Variants in SAXO2 observed in about 807,000 individuals in gnomAD.
SAXO2 encodes stabilizer of axonemal microtubules 2.
SAXO2 carries 17 observed loss-of-function variants against 18.7 expected under a neutral mutation model. That is an observed-to-expected ratio of 0.91 (90% CI 0.62 to 1.36). SAXO2 has a LOEUF of 1.36. SAXO2 is among the 40% of genes most tolerant of loss of function. SAXO2 has a pLI of 0.00. For missense variants in SAXO2, 486 were observed against 562.6 expected, an observed-to-expected ratio of 0.86 and a Z score of 1.38; for synonymous variants, 163 against 181.2, an observed-to-expected ratio of 0.90 and a Z score of 0.81.
At chr15:82,272,551 G>GT (rs967956011) in intron 3 of SAXO2, among the ~76,000 whole-genome samples, 120 of 151,892 alleles carry the variant, frequency 7.9e-4, no homozygotes, top group African/African-American at 2.7e-3. Flanking sequence ...TTGTTTTTGG[G>GT]TTTTTTTTGT....
chr15:82,270,103 C>G (rs2075257050), intron 2 of SAXO2, among the ~76,000 whole-genome samples: 2 of 152,158 alleles, frequency 1.3e-5, no homozygotes, highest in African/African-American at 4.8e-5. Context: ...ATGAAGCTCA[C>G]AGAAGAGGTC....
At position 82,283,167 on chromosome 15, in the gene SAXO2, TATATTTTTAAACAAG is replaced by T; in HGVS notation, c.*107_*121del. ...ATTTATGATATAATAAATCATTTTT[TATATTTTTAAACAAG>T]AAAATTGGAAAATATATTATAAGAA... On this transcript the variant is annotated 3_prime_UTR_variant, in exon 4 of 4. Coordinates refer to ENST00000682753, the MANE Select transcript of SAXO2 (RefSeq NM_001348699.2). 1.3e-6 allele frequency: 1 copy of T among 749,090 alleles called. No homozygotes were observed. The highest frequency in any genetic ancestry group is 1.9e-6 in the Non-Finnish European group (1 of 530,326). 46.4% of individuals were successfully genotyped at this position (749,090 alleles called of 1,614,324 possible).
Position 82,282,403 on chromosome 15 carries a change from G to T in SAXO2, c.718G>T (p.Asp240Tyr). 1 of 1,614,126 alleles carries T rather than the reference G, an allele frequency of 6.2e-7. No individual in the cohort carries two copies. The highest frequency in any genetic ancestry group is 2.2e-5 in the East Asian group (1 of 44,866). Residue 240 changes from aspartate (D) to tyrosine (Y), a missense_variant, in exon 4 of 4, where the codon GAT becomes TAT. Physicochemically the swap from Asp to Tyr is radical, Grantham distance 160. Transcript: ENST00000682753. The part of the protein sequence containing the change: ...VYKPTDQRFE[D>Y]LTTHRCDFQG... ...CAAACCAACTGACCAACGCTTTGAG[G>T]ATCTCACAACTCACCGGTGTGACTT... is the stretch of plus-strand genomic sequence containing the variant.
At chr15:82,264,818 C>T in intron 1 of SAXO2, 1 of 689,926 alleles carries the variant, frequency 1.4e-6, no homozygotes, top group Non-Finnish European at 2.6e-6. Context: ...CGCCTAACAA[C>T]TTCTAGCTCC....
chr15:82,262,935 A>G lies in SAXO2; in HGVS notation c.53+3A>G. On this transcript the variant is annotated splice_donor_region_variant and intron_variant, in intron 1 of 3. Coordinates refer to ENST00000682753, the MANE Select transcript of SAXO2 (RefSeq NM_001348699.2). ...CTGTGTCAGATTTGTAGCTGCGGGT[A>G]AGAAACGGCTGGTGTAGCGGCGGGC... 6.2e-7 allele frequency: 1 copy of G among 1,604,300 alleles called. No homozygotes were observed. The highest frequency in any genetic ancestry group is 1.3e-5 in the African/African-American group (1 of 74,858).
chr15:82,263,938 A>G (rs1222953569), intron 1 of SAXO2, among the ~76,000 whole-genome samples: 1 of 152,146 alleles, frequency 6.6e-6, no homozygotes, highest in Non-Finnish European at 1.5e-5. Context: ...ATTTTTTGAC[A>G]ATGCAATAAA....
rs2075274471 is a variant in SAXO2 at position 82,271,769 on chromosome 15, A to G, written c.400A>G (p.Lys134Glu). 6.2e-7 allele frequency: 1 copy of G among 1,614,100 alleles called. No homozygotes were observed. The highest frequency in any genetic ancestry group is 8.5e-7 in the Non-Finnish European group (1 of 1,179,964). ...CCGGCCTTTGGAGAGACAAGTTAAAAAAGGAAAATTGGACACTGTCCCAAC... is the reference window on the plus strand; with the variant it reads ...CCGGCCTTTGGAGAGACAAGTTAAAGAAGGAAAATTGGACACTGTCCCAAC... ...IVRPLERQVK[K>E]GKLDTVPTYK... The change falls in exon 3 of 4, where the codon AAA (lysine) becomes GAA (glutamate). Residue 134 changes from lysine to glutamate, a missense_variant. Lys to Glu is a moderately conservative substitution (Grantham distance 56). Transcript: ENST00000682753.
At chr15:82,262,985 C>T in intron 1 of SAXO2, 53 bp downstream of exon 1, 2 of 1,568,088 alleles carry the variant, frequency 1.3e-6, no homozygotes, top group Non-Finnish European at 8.6e-7. Flanking sequence ...CGACCTAGGG[C>T]CTAGGTGCAC....
At chr15:82,264,221 G>T (rs1413987041) in intron 1 of SAXO2, among the ~76,000 whole-genome samples, 1 of 151,790 alleles carries the variant, frequency 6.6e-6, no homozygotes, top group East Asian at 1.9e-4. Context: ...ACAGGCTCGT[G>T]CGACCACACC....
intron 3 of SAXO2, 105 bp from the exon 4 acceptor site, chr15:82,282,014 G>A: frequency 1.1e-6 from 1 of 886,354 alleles, no homozygotes; most frequent in Non-Finnish European, 1.7e-6. Context: ...ATTTCTAAAG[G>A]AAATGGAAAG....
Position 82,283,141 on chromosome 15 carries a change from A to C in SAXO2, c.*79A>C. The C allele has an allele frequency of 3.3e-6, 3 of 908,456 alleles. No homozygotes were observed. The highest frequency in any genetic ancestry group is 2.5e-4 in the Middle Eastern group (1 of 4,008). 56.3% of individuals were successfully genotyped at this position (908,456 alleles called of 1,614,324 possible). ...GAAAACTCAATTTTTATAGTTAAAA[A>C]ATTTATGATATAATAAATCATTTTT... is the stretch of plus-strand genomic sequence containing the variant. On this transcript the variant is annotated 3_prime_UTR_variant, in exon 4 of 4. Transcript: ENST00000682753.
intron 2 of SAXO2, among the ~76,000 whole-genome samples, chr15:82,267,430 G>T (rs1431609351): frequency 1.3e-5 from 2 of 152,156 alleles, no homozygotes; most frequent in East Asian, 3.8e-4. Flanking sequence ...AATAGAATGG[G>T]AGACAGCTTT....
chr15:82,282,041 G>T, intron 3 of SAXO2, 78 bp from the exon 4 acceptor site: 3 of 1,137,442 alleles, frequency 2.6e-6, no homozygotes, highest in Non-Finnish European at 1.3e-6. Flanking sequence ...GGCAATGAGA[G>T]AAGTCAGTTA....
At chr15:82,274,381 GT>G (rs1295121266) in intron 3 of SAXO2, among the ~76,000 whole-genome samples, 1 of 151,956 alleles carries the variant, frequency 6.6e-6, no homozygotes, top group Non-Finnish European at 1.5e-5. Flanking sequence ...TGTGCTGCAG[GT>G]TTTGTAGATA....
At position 82,283,010 on chromosome 15, in the gene SAXO2, C is replaced by T. The variant is rs2075381530; in HGVS notation, c.1325C>T (p.Ser442Phe). ...PPGYIFDNTN[S>F]QGHKFFRKII... ...GGTTATATTTTCGACAATACAAATTCCCAAGGTCATAAATTCTTCCGCAAG... is the reference window on the plus strand; with the variant it reads ...GGTTATATTTTCGACAATACAAATTTCCAAGGTCATAAATTCTTCCGCAAG... Residue 442 changes from serine (S) to phenylalanine (F), a missense_variant, in exon 4 of 4, where the codon TCC (serine) becomes TTC (phenylalanine). Transcript: ENST00000682753. 6.2e-7 allele frequency: 1 copy of T among 1,613,770 alleles called. No individual in the cohort carries two copies. Among genetic ancestry groups the T allele is most frequent in the Non-Finnish European group, 8.5e-7 (1 of 1,179,926 alleles).
At chr15:82,265,242 G>A (rs952273591) in intron 1 of SAXO2, among the ~76,000 whole-genome samples, 48 of 152,126 alleles carry the variant, frequency 3.2e-4, no homozygotes, top group African/African-American at 1.1e-3. Flanking sequence ...CCAGGTTCAC[G>A]CCATTTCCCT....
chr15:82,272,073 A>G (rs1242753234), intron 3 of SAXO2: 3 of 376,912 alleles, frequency 8.0e-6, no homozygotes, highest in Non-Finnish European at 1.4e-5. Flanking sequence ...AAAGGATGCC[A>G]TTAAAGAAGC....
In SAXO2 at chr15:82,282,651, T is replaced by C. The variant is rs2075375518; in HGVS notation, c.966T>C (p.His322=). Residue 322 remains histidine (H), a synonymous_variant, in exon 4 of 4, where the codon CAT becomes CAC. Coordinates refer to ENST00000682753, the MANE Select transcript of SAXO2 (RefSeq NM_001348699.2). ...ACTATGTTCCATATCAGGCCAACCA[T>C]GTTGTTCCCATCAGGCCAGTTTCTC... ...HLDYVPYQAN[H]VVPIRPVSQK... is the part of the protein sequence containing the mutation. 2.5e-6 allele frequency: 4 copies of C among 1,614,038 alleles called. No individual in the cohort carries two copies. Among genetic ancestry groups the C allele is most frequent in the African/African-American group, 1.3e-5 (1 of 74,926 alleles).
In SAXO2 at chr15:82,284,032, C is replaced by G. The variant is rs2075390332; in HGVS notation, c.*970C>G. 6.6e-6 allele frequency: 1 copy of G among 152,216 alleles called. No homozygotes were observed. Among genetic ancestry groups the G allele is most frequent in the Admixed American group, 6.5e-5 (1 of 15,280 alleles). 9.4% of individuals were successfully genotyped at this position (152,216 alleles called of 1,614,324 possible). A position where few individuals can be genotyped will look rare whatever the true frequency, so the allele number is the denominator to read the frequency against. ...CTACCTTAGGCAGTGACTCATATCTCTGAGCCTCAGTGTCTTTATTTGTAA... is the reference window on the plus strand; with the variant it reads ...CTACCTTAGGCAGTGACTCATATCTGTGAGCCTCAGTGTCTTTATTTGTAA... On this transcript the variant is annotated 3_prime_UTR_variant, in exon 4 of 4. Coordinates refer to ENST00000682753, the MANE Select transcript of SAXO2 (RefSeq NM_001348699.2).
Sources: gnomAD v4.1 joint callset for allele counts (sites outside exome capture counted in the v4.1 genomes callset) on GRCh38, gnomAD v4.1.1 for gene constraint, MANE v1.5 for transcripts, NCBI Gene and HGNC (gene_info 2026-07-23, HGNC 2026-07-21) for gene names.